AIPL1: variants seen among roughly 807,000 people sequenced by gnomAD.
AIPL1 encodes the protein AIP like 1 HSP90 co-chaperone.
A neutral mutation model predicts 32.9 loss-of-function variants in AIPL1; 23 were observed. That is an observed-to-expected ratio of 0.70 (90% CI 0.50 to 0.99). AIPL1 has a LOEUF of 0.99. AIPL1 is among the 50% of genes least tolerant of loss of function. The pLI, the probability that AIPL1 is intolerant of heterozygous loss-of-function variation, is 0.00. For synonymous variants in AIPL1, 210 were observed against 209.4 expected (o/e 1.00, Z -0.02); for missense variants, 485 against 506.0 (o/e 0.96, Z 0.40).
rs201856841 is a variant in AIPL1, at chr17:6,426,759, G to T, written c.643-3C>A. Reference sequence around the variant, plus strand: ...CACTGCACCTCCCATGGCTTCTCCTGCCCAGGGAGAAGGTCAGCCATGACC... The same window carrying T: ...CACTGCACCTCCCATGGCTTCTCCTTCCCAGGGAGAAGGTCAGCCATGACC... On this transcript the variant is annotated splice_polypyrimidine_tract_variant and splice_region_variant and intron_variant, in intron 4 of 5. Transcript: ENST00000381129. 3 of 1,613,358 alleles carry T rather than the reference G, an allele frequency of 1.9e-6. No homozygotes were observed. In the South Asian group the frequency reaches 3.3e-5, roughly 18 times the overall value.
intron 2 of AIPL1, among the ~76,000 whole-genome samples, chr17:6,432,926 T>C (rs1034886051): frequency 2.6e-5 from 4 of 152,134 alleles, no homozygotes; most frequent in Non-Finnish European, 5.9e-5. Context: ...GAGATACAAA[T>C]TTTAGTATTT....
At chr17:6,431,367 A>G (rs1383639179) in intron 2 of AIPL1, among the ~76,000 whole-genome samples, 1 of 151,960 alleles carries the variant, frequency 6.6e-6, no homozygotes, top group African/African-American at 2.4e-5. Context: ...GAAGCAGGAG[A>G]ATCATTTGAA....
In AIPL1 at chr17:6,425,550, GGGTGGCTCTGCA is replaced by G. The variant is rs281865195; in HGVS notation, c.1053_1064del (p.Ala352_Pro355del). 1,142 of 1,613,036 alleles carry G rather than the reference GGGTGGCTCTGCA, an allele frequency of 7.1e-4. 3 individuals are homozygous for G. Among genetic ancestry groups the G allele is most frequent in the Admixed American group, 5.8e-4 (35 of 59,984 alleles). ...CGGACAGCTCTGCAGATGGTGCTGT[GGGTGGCTCTGCA>G]GGTGGCTCTGTGGATGACTGTGCGG... On this transcript the variant is annotated inframe_deletion, in exon 6 of 6. Transcript: ENST00000381129.
chr17:6,430,075 G>A (rs897165188), intron 2 of AIPL1, among the ~76,000 whole-genome samples: 14 of 151,158 alleles, frequency 9.3e-5, no homozygotes, highest in African/African-American at 2.9e-4. Flanking sequence ...GTGTGTGTGT[G>A]TGTGTGTGTG....
Position 6,426,705 on chromosome 17 carries a change from G to T in AIPL1, c.694C>A (p.Leu232Met), listed in dbSNP as rs1481697212. The change falls in exon 5 of 6, where the codon CTG becomes ATG. Residue 232 changes from leucine to methionine, a missense_variant. Transcript: ENST00000381129. ...AGGCACTGGCAGTAGTTGAGGATCA[G>T]AGTATTGATCATCTTCTCCAGCTTC... is the stretch of plus-strand genomic sequence containing the variant. ...WLKLEKMINTLILNYCQCLLK... is the reference protein window; with the variant it reads ...WLKLEKMINTMILNYCQCLLK... 1.9e-6 allele frequency: 3 copies of T among 1,614,194 alleles called. No homozygotes were observed. Among genetic ancestry groups the T allele is most frequent in the Non-Finnish European group, 2.5e-6 (3 of 1,180,042 alleles).
chr17:6,434,590 C>T (rs1206319518), intron 1 of AIPL1, among the ~76,000 whole-genome samples: 4 of 152,126 alleles, frequency 2.6e-5, no homozygotes, highest in Non-Finnish European at 5.9e-5. Context: ...GAACTCTTGA[C>T]CTCATGATCT....
At chr17:6,434,964 A>G (rs2292543) in intron 1 of AIPL1, 45 bp downstream of exon 1, 33,513 of 1,613,360 alleles carry the variant, frequency 0.021, 993 homozygotes, top group South Asian at 0.1. Flanking sequence ...GAATGTTGAA[A>G]GCTGCTGTGG....
At chr17:6,432,451 G>A (rs930606722) in intron 2 of AIPL1, among the ~76,000 whole-genome samples, 5 of 152,114 alleles carry the variant, frequency 3.3e-5, no homozygotes, top group Non-Finnish European at 5.9e-5. Flanking sequence ...TCAACAAAGC[G>A]CTATGCAGAG....
Position 6,425,525 on chromosome 17 carries a change from C to G in AIPL1, c.1090G>C (p.Ala364Pro). ...PPTAPSAELS[A>P]GPPAEPATEP... is the part of the protein sequence containing the mutation. ...GTGGCTGGCTCTGCAGGGGGCCCTG[C>G]GGACAGCTCTGCAGATGGTGCTGTG... The change falls in exon 6 of 6, where the codon GCA becomes CCA. Residue 364 changes from alanine to proline, a missense_variant. Physicochemically the swap from Ala to Pro is conservative, Grantham distance 27. Coordinates refer to ENST00000381129, the MANE Select transcript of AIPL1 (RefSeq NM_014336.5). 6.2e-7 allele frequency: 1 copy of G among 1,611,316 alleles called. No individual in the cohort carries two copies. Among genetic ancestry groups the G allele is most frequent in the South Asian group, 1.1e-5 (1 of 91,024 alleles).
At chr17:6,428,590 C>G (rs969528959) in intron 2 of AIPL1, 84 bp from the exon 3 acceptor site, 1 of 1,328,258 alleles carries the variant, frequency 7.5e-7, no homozygotes, top group South Asian at 1.2e-5. Context: ...CAGAGCCCCT[C>G]CTGGGAGGAA....
At chr17:6,432,610 C>A (rs892051655) in intron 2 of AIPL1, among the ~76,000 whole-genome samples, 1 of 150,216 alleles carries the variant, frequency 6.7e-6, no homozygotes, top group Non-Finnish European at 1.5e-5. Context: ...CATAATGGTA[C>A]AATGGTAAAG....
At chr17:6,428,216 C>G (rs948086259) in intron 3 of AIPL1, 102 bp downstream of exon 3, 138 of 1,289,586 alleles carry the variant, frequency 1.1e-4, no homozygotes, top group Admixed American at 1.8e-5. Flanking sequence ...TAAACAGAAA[C>G]AGGGCACTGT....
intron 2 of AIPL1, among the ~76,000 whole-genome samples, chr17:6,433,607 TCTCTCACACACA>T: frequency 7.8e-6 from 1 of 128,908 alleles, no homozygotes; most frequent in African/African-American, 3.2e-5. Context: ...TCTCTCTCTC[TCTCTCACACACA>T]CACACACACA....
At chr17:6,428,928 C>T (rs780322116) in intron 2 of AIPL1, among the ~76,000 whole-genome samples, 4 of 152,182 alleles carry the variant, frequency 2.6e-5, no homozygotes, top group Non-Finnish European at 4.4e-5. Context: ...CTATGACTCG[C>T]AGGAAGGGCA....
intron 5 of AIPL1, 99 bp from the exon 6 acceptor site, chr17:6,425,929 C>T (rs1911906340): frequency 2.0e-6 from 3 of 1,465,068 alleles, no homozygotes; most frequent in Non-Finnish European, 2.7e-6. Flanking sequence ...CCCTCAGCCC[C>T]GCCATGATCC....
intron 2 of AIPL1, among the ~76,000 whole-genome samples, chr17:6,430,645 C>G (rs749115599): frequency 6.6e-6 from 1 of 152,116 alleles, no homozygotes; most frequent in Non-Finnish European, 1.5e-5. Context: ...AATTTATTGA[C>G]AGCCTTCTAT....
intron 2 of AIPL1, among the ~76,000 whole-genome samples, chr17:6,429,594 CAGCA>C (rs1912345557): frequency 6.6e-6 from 1 of 152,230 alleles, no homozygotes; most frequent in African/African-American, 2.4e-5. Context: ...CCATGGCTCC[CAGCA>C]AGCTGAGCGT....
At chr17:6,432,116 G>A (rs1390206975) in intron 2 of AIPL1, among the ~76,000 whole-genome samples, 3 of 152,200 alleles carry the variant, frequency 2.0e-5, no homozygotes, top group Admixed American at 2.0e-4. Context: ...CGAGCGTGGT[G>A]GCTCAGGCCT....
chr17:6,426,347 C>G (rs547078206), intron 5 of AIPL1: 40 of 1,406,996 alleles, frequency 2.8e-5, no homozygotes, highest in Non-Finnish European at 3.5e-5. Context: ...TTTTTAAACG[C>G]CTGTTTACCG....
Sources: gnomAD v4.1 joint callset for allele counts (sites outside exome capture counted in the v4.1 genomes callset) on GRCh38, gnomAD v4.1.1 for gene constraint, MANE v1.5 for transcripts, NCBI Gene and HGNC (gene_info 2026-07-23, HGNC 2026-07-21) for gene names.